Variants in PRKCA observed in about 807,000 individuals in gnomAD.
The protein encoded by PRKCA is protein kinase C alpha type.
PRKCA carries 27 observed loss-of-function variants against 87.0 expected under a neutral mutation model. That is an observed-to-expected ratio of 0.31 (90% CI 0.23 to 0.43). The LOEUF is 0.43. Ranked by LOEUF, PRKCA falls within the 20% of genes least tolerant of loss-of-function variation. PRKCA has a pLI of 1.00. For missense variants in PRKCA, 518 were observed against 852.3 expected (o/e 0.61, Z 4.88); for synonymous variants, 329 against 311.1 (o/e 1.06, Z -0.61).
Position 66,803,926 on chromosome 17 carries a change from C to T in PRKCA, c.1908C>T (p.Val636=), listed in dbSNP as rs1476222241. The part of the protein sequence containing the change: ...FDKFFTRGQP[V]LTPPDQLVIA... ...AGTTCTTCACACGAGGACAGCCCGT[C>T]TTAACACCACCTGATCAGCTGGTTA... The change falls in exon 17 of 17, where the codon GTC becomes GTT. Residue 636 remains valine (V), a synonymous_variant. Transcript: ENST00000413366. The surrounding 1 kb of genome is among the most constrained non-coding windows in gnomAD (Gnocchi z 4.4). 6.2e-7 allele frequency: 1 copy of T among 1,614,036 alleles called. No individual in the cohort carries two copies. The highest frequency in any genetic ancestry group is 1.7e-5 in the Admixed American group (1 of 60,020).
chr17:66,651,580 A>C (rs12452305), intron 5 of PRKCA, among the ~76,000 whole-genome samples: 87,527 of 152,008 alleles, frequency 0.58, 25,273 homozygotes, highest in Admixed American at 0.6. Flanking sequence ...CAGCAAGGAG[A>C]TGCACCAAGC....
At chr17:66,354,843 A>G (rs1040112860) in intron 2 of PRKCA, among the ~76,000 whole-genome samples, 1 of 152,136 alleles carries the variant, frequency 6.6e-6, no homozygotes, top group Non-Finnish European at 1.5e-5. Flanking sequence ...TTTAATTTTC[A>G]TTTATGCTTT....
At chr17:66,413,737 G>A (rs1467354502) in intron 2 of PRKCA, among the ~76,000 whole-genome samples, 1 of 152,170 alleles carries the variant, frequency 6.6e-6, no homozygotes, top group Non-Finnish European at 1.5e-5. Flanking sequence ...ATCAGGGCTG[G>A]GTGTGGTGGT....
At chr17:66,552,110 C>A (rs1490155001) in intron 3 of PRKCA, among the ~76,000 whole-genome samples, 1 of 152,016 alleles carries the variant, frequency 6.6e-6, no homozygotes, top group African/African-American at 2.4e-5. Flanking sequence ...CCAGTCTGGG[C>A]AACATGACAA....
chr17:66,422,568 T>G (rs1455817516), intron 2 of PRKCA, among the ~76,000 whole-genome samples: 2 of 152,188 alleles, frequency 1.3e-5, no homozygotes, highest in Non-Finnish European at 2.9e-5. Flanking sequence ...GGATTTTCAC[T>G]GGCTTCAGGG....
At chr17:66,342,800 A>G (rs1181972141) in intron 2 of PRKCA, among the ~76,000 whole-genome samples, 3 of 152,230 alleles carry the variant, frequency 2.0e-5, no homozygotes, top group Admixed American at 6.5e-5. Context: ...CTGAAATTTC[A>G]TTAATTTTAT....
chr17:66,611,363 G>T (rs193274512), intron 3 of PRKCA, among the ~76,000 whole-genome samples: 2 of 152,040 alleles, frequency 1.3e-5, no homozygotes, highest in South Asian at 2.1e-4. Context: ...CCATTATCCC[G>T]ACCCTTGGCA....
chr17:66,331,590 G>C (rs918891206), intron 2 of PRKCA, among the ~76,000 whole-genome samples: 1 of 152,100 alleles, frequency 6.6e-6, no homozygotes, highest in Admixed American at 6.5e-5. Context: ...CCTAAGGCCG[G>C]ATCTTTCAGG....
At chr17:66,785,180 T>G (rs1232554291) in intron 14 of PRKCA, among the ~76,000 whole-genome samples, 1 of 152,018 alleles carries the variant, frequency 6.6e-6, no homozygotes, top group East Asian at 1.9e-4. Context: ...GTGGCTCCTG[T>G]CCAGGACTGG....
chr17:66,682,506 G>T (rs573807125), intron 5 of PRKCA, among the ~76,000 whole-genome samples: 1 of 152,224 alleles, frequency 6.6e-6, no homozygotes, highest in Non-Finnish European at 1.5e-5. Flanking sequence ...TTCTTCCCGC[G>T]TTCCCTGCCA....
intron 16 of PRKCA, among the ~76,000 whole-genome samples, chr17:66,799,736 AAGT>A (rs1975855972): frequency 6.6e-6 from 1 of 151,712 alleles, no homozygotes; most frequent in Admixed American, 6.6e-5. Context: ...CTTGCAAAAC[AAGT>A]AGTTCAAGAT....
chr17:66,746,806 A>G (rs891516898), intron 13 of PRKCA, among the ~76,000 whole-genome samples: 42 of 152,306 alleles, frequency 2.8e-4, no homozygotes, highest in African/African-American at 9.1e-4. Flanking sequence ...TTCAAGGTCA[A>G]TGAGAGTCCT....
chr17:66,454,728 A>G (rs1914501546), intron 2 of PRKCA, among the ~76,000 whole-genome samples: 1 of 152,220 alleles, frequency 6.6e-6, no homozygotes, highest in African/African-American at 2.4e-5. Context: ...GATTCAATTA[A>G]TAACTCCCAC....
intron 8 of PRKCA, among the ~76,000 whole-genome samples, chr17:66,701,382 T>C (rs546924262): frequency 2.0e-5 from 3 of 152,254 alleles, no homozygotes; most frequent in South Asian, 4.1e-4. Context: ...CTTCATGACA[T>C]TGGTCTTGAC....
chr17:66,625,075 CT>C (rs1193773577), intron 3 of PRKCA, among the ~76,000 whole-genome samples: 1 of 152,172 alleles, frequency 6.6e-6, no homozygotes, highest in African/African-American at 2.4e-5. Context: ...ACAAGAAAGT[CT>C]CCCATGGTGT....
chr17:66,469,088 T>C (rs1331291668), intron 2 of PRKCA, among the ~76,000 whole-genome samples: 2 of 152,168 alleles, frequency 1.3e-5, no homozygotes, highest in Non-Finnish European at 2.9e-5. Flanking sequence ...TCCCTCGAAA[T>C]GCAAACGAGG....
chr17:66,663,614 G>C (rs1971964453), intron 5 of PRKCA, among the ~76,000 whole-genome samples: 1 of 152,144 alleles, frequency 6.6e-6, no homozygotes, highest in Non-Finnish European at 1.5e-5. Context: ...ACTGTGTTTT[G>C]TCTCTGGTAT....
In PRKCA at chr17:66,302,768, G is replaced by C. The variant is rs1346787545; in HGVS notation, c.-84G>C. 7.9e-7 allele frequency: 1 copy of C among 1,264,762 alleles called. No individual in the cohort carries two copies. Among genetic ancestry groups the C allele is most frequent in the African/African-American group, 1.6e-5 (1 of 61,430 alleles). 78.3% of individuals were successfully genotyped at this position (1,264,762 alleles called of 1,614,324 possible). A position where few individuals can be genotyped will look rare whatever the true frequency, so the allele number is the denominator to read the frequency against. ...CCGCGCCCGGGGTCGCCCCGAGCCC[G>C]CACCTCTCCCCCGCCGCCCCCGCCC... On this transcript the variant is annotated 5_prime_UTR_variant, in exon 1 of 17. Coordinates refer to ENST00000413366, the MANE Select transcript of PRKCA (RefSeq NM_002737.3).
chr17:66,366,224 T>C (rs1206536737), intron 2 of PRKCA, among the ~76,000 whole-genome samples: 2 of 152,042 alleles, frequency 1.3e-5, no homozygotes, highest in African/African-American at 4.8e-5. Flanking sequence ...TTATTCATGA[T>C]GCAATTTACA....
Sources: allele counts gnomAD v4.1 joint callset (sites outside exome capture counted in the v4.1 genomes callset), GRCh38; gene constraint gnomAD v4.1.1; non-coding constraint Gnocchi (gnomAD v3.1); transcripts MANE v1.5; gene names NCBI Gene and HGNC (gene_info 2026-07-23, HGNC 2026-07-21).